Variants in CUX1 observed in about 807,000 individuals in gnomAD.
CUX1 encodes cut like homeobox 1.
Under a neutral mutation model 158.8 loss-of-function variants are expected in CUX1, and 31 were observed. That is an observed-to-expected ratio of 0.20 (90% confidence interval 0.15 to 0.26). CUX1 has a LOEUF of 0.26. Ranked by LOEUF, CUX1 falls within the 10% of genes least tolerant of loss-of-function variation. CUX1 has a pLI of 1.00. For missense variants in CUX1, 1,589 were observed against 2,014.6 expected, an observed-to-expected ratio of 0.79 and a Z score of 4.04; for synonymous variants, 879 against 862.1, an observed-to-expected ratio of 1.02 and a Z score of -0.34.
At chr7:101,976,715 G>A (rs1179430821) in intron 2 of CUX1, among the ~76,000 whole-genome samples, 7 of 151,852 alleles carry the variant, frequency 4.6e-5, no homozygotes, top group African/African-American at 1.7e-4. Context: ...AATTTACATC[G>A]GTGGATCCAG....
At chr7:102,018,263 A>G (rs1408656067) in intron 2 of CUX1, among the ~76,000 whole-genome samples, 4 of 152,222 alleles carry the variant, frequency 2.6e-5, no homozygotes, top group Non-Finnish European at 2.9e-5. Flanking sequence ...GCCCAGTCAG[A>G]GGTTTCGACA....
At chr7:102,000,911 T>C (rs1256935925) in intron 2 of CUX1, among the ~76,000 whole-genome samples, 1 of 151,998 alleles carries the variant, frequency 6.6e-6, no homozygotes, top group Non-Finnish European at 1.5e-5. Context: ...GATGGGACTA[T>C]AGGGTGTGCA....
At chr7:102,014,348 T>G (rs1007449839) in intron 2 of CUX1, among the ~76,000 whole-genome samples, 1 of 152,212 alleles carries the variant, frequency 6.6e-6, no homozygotes, top group African/African-American at 2.4e-5. Context: ...GTGCTCATTT[T>G]AAAACAGCAC....
intron 1 of CUX1, among the ~76,000 whole-genome samples, chr7:101,875,709 G>A (rs986331760): frequency 6.6e-6 from 1 of 152,164 alleles, no homozygotes; most frequent in African/African-American, 2.4e-5. Flanking sequence ...GGGTAGGTGC[G>A]CCGCTCTCTG....
chr7:102,036,762 A>C (rs2129351707), intron 3 of CUX1, among the ~76,000 whole-genome samples: 1 of 106,352 alleles, frequency 9.4e-6, no homozygotes, highest in Admixed American at 9.7e-5. Flanking sequence ...GCAAACAAAC[A>C]AAAAAAAAAA....
chr7:102,129,190 A>C (rs140999236), intron 8 of CUX1, among the ~76,000 whole-genome samples: 68 of 152,314 alleles, frequency 4.5e-4, no homozygotes, highest in African/African-American at 1.6e-3. Context: ...TCCGCACTGC[A>C]AGACCTACTC....
chr7:102,037,932 G>A (rs368095861), intron 3 of CUX1, among the ~76,000 whole-genome samples: 1 of 151,804 alleles, frequency 6.6e-6, no homozygotes, highest in Non-Finnish European at 1.5e-5. Flanking sequence ...GCACATGCCT[G>A]TAGTCTCAGC....
rs568227733 is a variant in CUX1 at position 101,937,509 on chromosome 7, C to CT, written c.141+21299dup. On this transcript the variant is annotated intron_variant, in intron 2 of 23. Transcript: ENST00000292535. Reference sequence around the variant, plus strand: ...GAAAAGGGATAAATCAAAATCAAGTCTTTTTTTTTTTTTTTAATTGAGACA... The same window carrying CT: ...GAAAAGGGATAAATCAAAATCAAGTCTTTTTTTTTTTTTTTTAATTGAGACA... Among the ~76,000 whole-genome samples, 1,112 of 141,828 alleles carry CT rather than the reference C, an allele frequency of 7.8e-3. 4 individuals are homozygous for CT. Among genetic ancestry groups the CT allele is most frequent in the Non-Finnish European group, 8.6e-3 (551 of 64,424 alleles). 93.0% of individuals were successfully genotyped at this position (141,828 alleles called of 152,430 possible).
intron 1 of CUX1, among the ~76,000 whole-genome samples, chr7:101,846,220 T>C (rs931895655): frequency 3.3e-5 from 5 of 152,120 alleles, no homozygotes; most frequent in Admixed American, 2.0e-4. Flanking sequence ...CAAGTTGAGC[T>C]CTCCCAGCAT....
intron 20 of CUX1, among the ~76,000 whole-genome samples, chr7:102,223,729 G>A (rs572292291): frequency 1.3e-5 from 2 of 152,306 alleles, no homozygotes; most frequent in South Asian, 4.2e-4. Flanking sequence ...AGCACTTTGG[G>A]AGGCCAAGGT....
At position 102,252,390 on chromosome 7, in the gene CUX1, C is replaced by T. The variant is rs1801612078; in HGVS notation, c.*3348C>T. On this transcript the variant is annotated 3_prime_UTR_variant, in exon 24 of 24. Transcript: ENST00000292535. ...CAGTGGCCCCCGCAGGCAGCCGACC[C>T]CCTTCCTCTTCACGCTCTATGAGTT... The T allele has an allele frequency of 1.0e-6, 1 of 985,224 alleles. No individual in the cohort carries two copies. The highest frequency in any genetic ancestry group is 1.2e-6 in the Non-Finnish European group (1 of 829,934). The allele number at this position is 985,224 out of a possible 1,614,324, so 61.0% of individuals were successfully genotyped here. A position where few individuals can be genotyped will look rare whatever the true frequency, so the allele number is the denominator to read the frequency against.
At chr7:102,281,913 T>G (rs782312066) in exon 21 of CUX1, 5 of 1,610,670 alleles carry the variant, frequency 3.1e-6, no homozygotes, top group African/African-American at 2.7e-5. Flanking sequence ...CACTGCCTGG[T>G]CTTCCTGGTG....
intron 20 of CUX1, among the ~76,000 whole-genome samples, chr7:102,212,319 G>C (rs1014472633): frequency 3.5e-4 from 54 of 152,214 alleles, no homozygotes; most frequent in African/African-American, 1.3e-3. Context: ...AAGTGAGCAA[G>C]GCAGCCTACG....
chr7:101,933,664 T>A (rs1806551023), intron 2 of CUX1, among the ~76,000 whole-genome samples: 1 of 152,230 alleles, frequency 6.6e-6, no homozygotes, highest in African/African-American at 2.4e-5. Flanking sequence ...AGGTTTTCGA[T>A]TTCTTACCTC....
chr7:102,220,709 C>T (rs1373312561), intron 20 of CUX1, among the ~76,000 whole-genome samples: 11 of 152,328 alleles, frequency 7.2e-5, no homozygotes, highest in South Asian at 4.1e-4. Flanking sequence ...CACCAGTCCC[C>T]GCCACCTCCA....
intron 20 of CUX1, among the ~76,000 whole-genome samples, chr7:102,217,888 A>G (rs562490303): frequency 1.5e-4 from 22 of 150,988 alleles, no homozygotes; most frequent in Admixed American, 3.3e-4. Context: ...TGGTGTCTAG[A>G]GGGAGGGAGG....
At chr7:101,947,199 T>A (rs1808493076) in intron 2 of CUX1, among the ~76,000 whole-genome samples, 1 of 152,020 alleles carries the variant, frequency 6.6e-6, no homozygotes, top group Non-Finnish European at 1.5e-5. Flanking sequence ...AGACCGGCCT[T>A]GGCAACATAG....
chr7:102,102,472 G>A lies in CUX1; in HGVS notation c.407-1864G>A, dbSNP rs1374284680. On this transcript the variant is annotated intron_variant, in intron 5 of 23. Transcript: ENST00000292535. Reference sequence around the variant, plus strand: ...GCCTTTAGCTTGTATGCACTAAGCCGCGTGGGTGTTAATCGCCCAGGTGTT... The same window carrying A: ...GCCTTTAGCTTGTATGCACTAAGCCACGTGGGTGTTAATCGCCCAGGTGTT... 6.3e-5 allele frequency among the ~76,000 whole-genome samples: 9 copies of A among 142,934 alleles called. No homozygotes were observed. In the Admixed American group the frequency reaches 6.3e-4, roughly 10 times the overall value. 93.8% of individuals were successfully genotyped at this position (142,934 alleles called of 152,430 possible). A position where few individuals can be genotyped will look rare whatever the true frequency, so the allele number is the denominator to read the frequency against.
intron 2 of CUX1, among the ~76,000 whole-genome samples, chr7:101,992,651 G>A (rs1307751741): frequency 2.6e-5 from 4 of 152,124 alleles, no homozygotes; most frequent in Non-Finnish European, 4.4e-5. Context: ...TTTCAGTTTG[G>A]TTAGAGAAGC....
Sources: gnomAD v4.1 joint callset for allele counts (sites outside exome capture counted in the v4.1 genomes callset) on GRCh38, gnomAD v4.1.1 for gene constraint, MANE v1.5 for transcripts, NCBI Gene and HGNC (gene_info 2026-07-23, HGNC 2026-07-21) for gene names.